SPECC1: variants seen among roughly 807,000 people sequenced by gnomAD.
SPECC1 encodes cytospin-B.
Under a neutral mutation model 104.1 loss-of-function variants are expected in SPECC1, and 62 were observed. That is an observed-to-expected ratio of 0.60 (90% CI 0.49 to 0.74). The LOEUF (loss-of-function observed/expected upper bound fraction) is 0.74, where lower values mean the gene tolerates loss of function less well. Ranked by LOEUF, SPECC1 falls within the 30% of genes least tolerant of loss-of-function variation. The pLI is 0.00. For synonymous variants in SPECC1, 513 were observed against 501.6 expected (o/e 1.02, Z -0.30); for missense variants, 1,306 against 1,310.5 (o/e 1.00, Z 0.05).
intron 12 of SPECC1, among the ~76,000 whole-genome samples, chr17:20,260,652 C>T (rs2039993538): frequency 6.6e-6 from 1 of 152,218 alleles, no homozygotes; most frequent in South Asian, 2.1e-4. Flanking sequence ...AGAGTTTTCT[C>T]AACAAGGCTT....
At chr17:20,135,496 G>A (rs904806765) in intron 3 of SPECC1, among the ~76,000 whole-genome samples, 2 of 152,132 alleles carry the variant, frequency 1.3e-5, no homozygotes, top group African/African-American at 2.4e-5. Context: ...GTGTCACCCA[G>A]GATGCAGTGC....
intron 3 of SPECC1, among the ~76,000 whole-genome samples, chr17:20,160,512 T>C (rs1370716792): frequency 1.3e-5 from 2 of 152,156 alleles, no homozygotes; most frequent in African/African-American, 4.8e-5. Flanking sequence ...TAGTGTCTCT[T>C]TGTAGACATG....
intron 1 of SPECC1, among the ~76,000 whole-genome samples, chr17:20,083,611 T>TG (rs1028636728): frequency 3.0e-4 from 46 of 152,298 alleles, no homozygotes; most frequent in African/African-American, 1.1e-3. Flanking sequence ...TAGTCTAATG[T>TG]GGGGATGCAT....
In SPECC1 at chr17:20,112,694, CTG is replaced by C. The variant is rs1209437135; in HGVS notation, c.283+2136_283+2137del. The C allele has an allele frequency of 2.1e-5, 23 of 1,109,820 alleles. No homozygotes were observed. The East Asian group carries it at 2.1e-4, about 10-fold the overall frequency. 68.7% of individuals were successfully genotyped at this position (1,109,820 alleles called of 1,614,324 possible). Reference sequence around the variant, plus strand: ...TAATGTAGAAGGAGCATCCCTGAAACTGTGTAATTTTGAGGATCCTTCCGGTC... The same window carrying C: ...TAATGTAGAAGGAGCATCCCTGAAACTGTAATTTTGAGGATCCTTCCGGTC... On this transcript the variant is annotated intron_variant, in intron 3 of 14. Coordinates refer to ENST00000395527, the MANE Select transcript of SPECC1 (RefSeq NM_001243439.2).
At chr17:20,297,893 C>G (rs1046008908) in intron 13 of SPECC1, among the ~76,000 whole-genome samples, 20 of 152,172 alleles carry the variant, frequency 1.3e-4, no homozygotes, top group African/African-American at 4.8e-4. Context: ...ACGTTCTATG[C>G]CCTCATGAGC....
chr17:20,196,300 T>G (rs2036030531), intron 3 of SPECC1, among the ~76,000 whole-genome samples: 1 of 152,236 alleles, frequency 6.6e-6, no homozygotes, highest in Admixed American at 6.5e-5. Context: ...GTGAAAACCC[T>G]GGTTAGTAAG....
chr17:20,187,656 C>T (rs1418589412), intron 3 of SPECC1, among the ~76,000 whole-genome samples: 1 of 151,860 alleles, frequency 6.6e-6, no homozygotes, highest in African/African-American at 2.4e-5. Flanking sequence ...GAGTCAAAAC[C>T]TCTTTTTATT....
chr17:20,043,790 A>G (rs2045427258), intron 1 of SPECC1, among the ~76,000 whole-genome samples: 1 of 152,192 alleles, frequency 6.6e-6, no homozygotes, highest in Non-Finnish European at 1.5e-5. Context: ...AAGGGAGAAG[A>G]GTTTTCTAAG....
intron 3 of SPECC1, among the ~76,000 whole-genome samples, chr17:20,202,164 T>A (rs1490090341): frequency 2.0e-5 from 3 of 152,334 alleles, no homozygotes; most frequent in East Asian, 1.9e-4. Context: ...TACAATTAAC[T>A]GTAGTACATA....
intron 7 of SPECC1, among the ~76,000 whole-genome samples, chr17:20,235,539 A>C (rs80012679): frequency 0.012 from 1,842 of 152,298 alleles, 35 homozygotes; most frequent in African/African-American, 0.041. Context: ...GTAATGATAT[A>C]TTGTGCCGCA....
chr17:20,066,329 T>C (rs1309642474), intron 1 of SPECC1, among the ~76,000 whole-genome samples: 2 of 152,238 alleles, frequency 1.3e-5, no homozygotes, highest in African/African-American at 4.8e-5. Context: ...TAAATTTGTT[T>C]TCCAAGAGCA....
intron 4 of SPECC1, among the ~76,000 whole-genome samples, chr17:20,226,416 T>C (rs759062761): frequency 6.6e-6 from 1 of 152,140 alleles, no homozygotes; most frequent in Non-Finnish European, 1.5e-5. Flanking sequence ...CACAATATAG[T>C]GTAGCATTGT....
chr17:20,165,136 A>G (rs1353212070), intron 3 of SPECC1, among the ~76,000 whole-genome samples: 1 of 152,158 alleles, frequency 6.6e-6, no homozygotes, highest in Non-Finnish European at 1.5e-5. Context: ...GCACAGATCA[A>G]CCCGTCACCT....
chr17:20,200,540 C>G (rs2036353318), intron 3 of SPECC1, among the ~76,000 whole-genome samples: 2 of 152,190 alleles, frequency 1.3e-5, no homozygotes. Flanking sequence ...AATCCCTGTT[C>G]CACTGGCCCT....
At chr17:20,311,956 A>G (rs1304754793) in intron 14 of SPECC1, among the ~76,000 whole-genome samples, 6 of 152,222 alleles carry the variant, frequency 3.9e-5, no homozygotes, top group Non-Finnish European at 8.8e-5. Context: ...GACGAATTAC[A>G]TCAGTTTACA....
At chr17:20,297,924 G>A (rs1038228178) in intron 13 of SPECC1, among the ~76,000 whole-genome samples, 6 of 152,208 alleles carry the variant, frequency 3.9e-5, no homozygotes, top group African/African-American at 1.2e-4. Context: ...ATAAGCAAGC[G>A]AGTAGACTTA....
chr17:20,051,468 C>T (rs1597618348), intron 1 of SPECC1, among the ~76,000 whole-genome samples: 1 of 152,230 alleles, frequency 6.6e-6, no homozygotes, highest in Non-Finnish European at 1.5e-5. Context: ...AGCCACTGTG[C>T]CCAGCTAGCA....
In SPECC1 at chr17:20,009,589, C is replaced by G. The variant is rs1285175951; in HGVS notation, c.-22+165C>G. Among the ~76,000 whole-genome samples the G allele has an allele frequency of 6.6e-6, 1 of 152,126 alleles. No individual in the cohort carries two copies. The highest frequency in any genetic ancestry group is 1.5e-5 in the Non-Finnish European group (1 of 67,958). On this transcript the variant is annotated intron_variant, in intron 1 of 14. Transcript: ENST00000395527. The surrounding 1 kb of genome is among the most constrained non-coding windows in gnomAD (Gnocchi z 5.2). Reference sequence around the variant, plus strand: ...TGCTGCGTCTTCGCCGCGGGGGCCCCGGTCCCCTCGTCGCGTGTCCTGTCC... The same window carrying G: ...TGCTGCGTCTTCGCCGCGGGGGCCCGGGTCCCCTCGTCGCGTGTCCTGTCC...
intron 1 of SPECC1, among the ~76,000 whole-genome samples, chr17:20,027,929 A>G (rs28713561): frequency 0.071 from 10,755 of 152,100 alleles, 1,025 homozygotes; most frequent in African/African-American, 0.22. Flanking sequence ...GGTAGGTACA[A>G]TTTACCCTAT....
Sources: gnomAD v4.1 joint callset for allele counts (sites outside exome capture counted in the v4.1 genomes callset) on GRCh38, gnomAD v4.1.1 for gene constraint, Gnocchi (gnomAD v3.1) non-coding constraint, MANE v1.5 for transcripts, NCBI Gene and HGNC (gene_info 2026-07-23, HGNC 2026-07-21) for gene names.